The following RALGAPA1 variants were observed in gnomAD, a reference collection of about 807,000 sequenced individuals.
RALGAPA1 encodes the protein ral GTPase-activating protein subunit alpha-1.
A neutral mutation model predicts 269.6 loss-of-function variants in RALGAPA1; 52 were observed. The observed-to-expected ratio is 0.19, with a 90% confidence interval of 0.15 to 0.24. RALGAPA1 has a LOEUF of 0.24. Ranked by LOEUF, RALGAPA1 falls within the 10% of genes least tolerant of loss-of-function variation. The probability of loss-of-function intolerance (pLI) is 1.00; values close to 1 mark genes in which losing one functional copy is unlikely to be tolerated. For synonymous variants in RALGAPA1, 817 were observed against 1,008.3 expected, an observed-to-expected ratio of 0.81 and a Z score of 3.60; for missense variants, 1,917 against 3,013.9, an observed-to-expected ratio of 0.64 and a Z score of 8.52.
chr14:35,762,730 G>T lies in RALGAPA1; in HGVS notation c.349C>A (p.His117Asn). 6.6e-7 allele frequency: 1 copy of T among 1,519,196 alleles called. No individual in the cohort carries two copies. The highest frequency in any genetic ancestry group is 2.3e-5 in the East Asian group (1 of 44,338). The allele number at this position is 1,519,196 out of a possible 1,614,324, so 94.1% of individuals were successfully genotyped here. A position where few individuals can be genotyped will look rare whatever the true frequency, so the allele number is the denominator to read the frequency against. Residue 117 changes from histidine (H) to asparagine (N), a missense_variant, in exon 5 of 42, where the codon CAC (histidine) becomes AAC (asparagine). His to Asn is a moderately conservative substitution (Grantham distance 68). Around this residue, in one of 11 missense-constraint regions of RALGAPA1, gnomAD observed 462 missense variants for 725.6 expected, o/e 0.64. Transcript: ENST00000680220. The stretch of plus-strand genomic sequence containing the variant: ...TGTACCTTTAAGGAGTTTCCTGTGT[G>T]AAGTAGCTTCTTTAAAATCAATCCT... ...SIGLILKKLL[H>N]TGNSLKIRRE...
chr14:35,570,270 C>CAA (rs11458177), intron 39 of RALGAPA1, among the ~76,000 whole-genome samples: 43 of 93,184 alleles, frequency 4.6e-4, no homozygotes, highest in African/African-American at 9.8e-4. Context: ...GACTCCATCT[C>CAA]AAAAAAAAAA....
chr14:35,538,382 GTAT>G lies in RALGAPA1; in HGVS notation c.*1329_*1331del, dbSNP rs2053697059. ...AGGAAGTGATAAGAATATTTTTATT[GTAT>G]TATTAAATACCATGTCATCTTTCCC... On this transcript the variant is annotated 3_prime_UTR_variant, in exon 42 of 42. Transcript: ENST00000680220. 1.3e-5 allele frequency: 2 copies of G among 152,486 alleles called. No homozygotes were observed. Among genetic ancestry groups the G allele is most frequent in the African/African-American group, 4.8e-5 (2 of 41,550 alleles). 9.4% of individuals were successfully genotyped at this position (152,486 alleles called of 1,614,324 possible).
intron 39 of RALGAPA1, among the ~76,000 whole-genome samples, chr14:35,561,517 T>G (rs1010777846): frequency 1.4e-5 from 2 of 141,196 alleles, no homozygotes; most frequent in East Asian, 2.1e-4. Context: ...TTTTTTTTTT[T>G]TTTTTTTTTT....
In RALGAPA1 at chr14:35,797,843, CAA is replaced by C. The variant is rs200057234; in HGVS notation, c.106+10885_106+10886del. Among the ~76,000 whole-genome samples, 88 of 118,210 alleles carry C rather than the reference CAA, an allele frequency of 7.4e-4. 1 individual carries two copies. The highest frequency in any genetic ancestry group is 2.3e-3 in the African/African-American group (77 of 33,376). 77.6% of individuals were successfully genotyped at this position (118,210 alleles called of 152,430 possible). On this transcript the variant is annotated intron_variant, in intron 1 of 41. Coordinates refer to ENST00000680220, the MANE Select transcript of RALGAPA1 (RefSeq NM_001346249.2). ...CTGGGAAACGAGCAAAATTACATCT[CAA>C]AAAAAAAAAAAAATAGCTAAAAGAG...
chr14:35,577,246 C>T (rs2057627994), intron 37 of RALGAPA1, among the ~76,000 whole-genome samples: 2 of 152,110 alleles, frequency 1.3e-5, no homozygotes, highest in East Asian at 3.9e-4. Context: ...TCACCCATTG[C>T]TACAGACTGA....
intron 28 of RALGAPA1, 65 bp from the exon 29 acceptor site, chr14:35,655,980 A>G: frequency 1.2e-6 from 2 of 1,607,142 alleles, no homozygotes; most frequent in Admixed American, 3.4e-5. Flanking sequence ...ATGACCCACA[A>G]TCAACTGACA....
chr14:35,712,511 T>C (rs140368773), intron 16 of RALGAPA1, among the ~76,000 whole-genome samples: 1 of 152,280 alleles, frequency 6.6e-6, no homozygotes, highest in African/African-American at 2.4e-5. Context: ...AAATTTGTTA[T>C]ATTTATTATT....
At chr14:35,574,140 T>A (rs1159632564) in intron 37 of RALGAPA1, among the ~76,000 whole-genome samples, 1 of 152,184 alleles carries the variant, frequency 6.6e-6, no homozygotes, top group Non-Finnish European at 1.5e-5. Flanking sequence ...TCAGGAAGAA[T>A]TTAGGTATTT....
intron 1 of RALGAPA1, among the ~76,000 whole-genome samples, chr14:35,790,268 A>G (rs771643047): frequency 3.9e-5 from 6 of 151,970 alleles, no homozygotes; most frequent in Non-Finnish European, 8.8e-5. Flanking sequence ...TAAACAAAAA[A>G]CAAAAAAAAA....
At chr14:35,731,828 G>A (rs2070500411) in intron 12 of RALGAPA1, among the ~76,000 whole-genome samples, 1 of 150,940 alleles carries the variant, frequency 6.6e-6, no homozygotes, top group African/African-American at 2.4e-5. Flanking sequence ...AATAATCAAG[G>A]AAAGCTTCCC....
chr14:35,738,094 A>T (rs981399008), intron 12 of RALGAPA1, among the ~76,000 whole-genome samples: 1 of 152,056 alleles, frequency 6.6e-6, no homozygotes, highest in Non-Finnish European at 1.5e-5. Context: ...CATCTCAAAA[A>T]AAAAAAAAAG....
intron 27 of RALGAPA1, among the ~76,000 whole-genome samples, chr14:35,662,034 C>A (rs2063568974): frequency 6.6e-6 from 1 of 152,130 alleles, no homozygotes; most frequent in African/African-American, 2.4e-5. Flanking sequence ...CTAATATTGA[C>A]TGTGATGATG....
chr14:35,578,312 A>T (rs1209300656), intron 37 of RALGAPA1, among the ~76,000 whole-genome samples: 1 of 152,236 alleles, frequency 6.6e-6, no homozygotes, highest in Non-Finnish European at 1.5e-5. Flanking sequence ...GCTGAAGAAC[A>T]CACAGAAGTT....
At chr14:35,769,110 TAGAA>T (rs1262850864) in intron 4 of RALGAPA1, among the ~76,000 whole-genome samples, 3 of 95,662 alleles carry the variant, frequency 3.1e-5, no homozygotes, top group South Asian at 3.3e-4. Flanking sequence ...AACAAGAAAA[TAGAA>T]AGCAGAAAAA....
rs1041963886 is a variant in RALGAPA1, at chr14:35,766,075, C to T, written c.326-3322G>A. 1.1e-5 allele frequency: 14 copies of T among 1,233,164 alleles called. No homozygotes were observed. The South Asian group carries it at 1.2e-4, about 11-fold the overall frequency. 76.4% of individuals were successfully genotyped at this position (1,233,164 alleles called of 1,614,324 possible). A position where few individuals can be genotyped will look rare whatever the true frequency, so the allele number is the denominator to read the frequency against. ...TCAGGTGGGAGTGCAGTTGCCATAT[C>T]GGCATTCACATGCTATGCGGCTTTA... On this transcript the variant is annotated intron_variant, in intron 4 of 41. Coordinates refer to ENST00000680220, the MANE Select transcript of RALGAPA1 (RefSeq NM_001346249.2).
At chr14:35,600,224 C>CT (rs1349247404) in intron 36 of RALGAPA1, among the ~76,000 whole-genome samples, 5 of 92,626 alleles carry the variant, frequency 5.4e-5, no homozygotes, top group East Asian at 3.7e-4. Flanking sequence ...TTTTCTTTTT[C>CT]TTTTTTTCTT....
chr14:35,684,873 C>A, intron 20 of RALGAPA1, 56 bp downstream of exon 20: 1 of 1,538,652 alleles, frequency 6.5e-7, no homozygotes, highest in South Asian at 1.2e-5. Context: ...GTAAGTCAGT[C>A]TTGAACAGAA....
intron 34 of RALGAPA1, 152 bp downstream of exon 34, chr14:35,626,938 G>A: frequency 1.6e-6 from 1 of 618,568 alleles, no homozygotes; most frequent in Non-Finnish European, 2.5e-6. Context: ...ATAACTCAGT[G>A]GTCTCAAAAA....
intron 38 of RALGAPA1, 145 bp downstream of exon 38, chr14:35,572,415 G>A (rs2057274280): frequency 1.9e-6 from 1 of 536,088 alleles, no homozygotes; most frequent in South Asian, 3.0e-5. Flanking sequence ...GGCAATCCAT[G>A]TAGCTACCAG....
Sources: gnomAD v4.1 joint callset for allele counts (sites outside exome capture counted in the v4.1 genomes callset) on GRCh38, gnomAD v4.1.1 for gene constraint, gnomAD v4.1.1 regional missense constraint, MANE v1.5 for transcripts, NCBI Gene and HGNC (gene_info 2026-07-23, HGNC 2026-07-21) for gene names.